The following SFMBT2 variants were observed in gnomAD, a reference collection of about 807,000 sequenced individuals.
SFMBT2 encodes scm-like with four MBT domains protein 2.
Under a neutral mutation model 110.1 loss-of-function variants are expected in SFMBT2, and 38 were observed. The ratio of observed to expected loss-of-function variants is 0.35; its 90% CI spans 0.27 to 0.45. The LOEUF (loss-of-function observed/expected upper bound fraction) is 0.45. Ranked by LOEUF, SFMBT2 falls within the 20% of genes least tolerant of loss-of-function variation. The pLI is 1.00. For missense variants in SFMBT2, 1,011 were observed against 1,094.9 expected, an observed-to-expected ratio of 0.92 and a Z score of 1.08; for synonymous variants, 425 against 425.4, an observed-to-expected ratio of 1.00 and a Z score of 0.01.
At chr10:7,191,537 C>T (rs1392868683) in intron 15 of SFMBT2, among the ~76,000 whole-genome samples, 1 of 152,236 alleles carries the variant, frequency 6.6e-6, no homozygotes, top group Admixed American at 6.5e-5. Context: ...CATCCCTCCC[C>T]ATCCGGGTCT....
intron 4 of SFMBT2, among the ~76,000 whole-genome samples, chr10:7,316,001 T>C (rs923286014): frequency 1.3e-5 from 2 of 152,184 alleles, no homozygotes; most frequent in Non-Finnish European, 2.9e-5. Flanking sequence ...TCAGGAACAC[T>C]AGAATTTCTG....
intron 4 of SFMBT2, among the ~76,000 whole-genome samples, chr10:7,363,354 CTT>C (rs869081978): frequency 4.1e-5 from 6 of 145,144 alleles, no homozygotes; most frequent in Admixed American, 6.9e-5. Flanking sequence ...TAAACCTCCT[CTT>C]TTTTTTTTTT....
intron 1 of SFMBT2, among the ~76,000 whole-genome samples, chr10:7,382,500 G>A (rs1170470414): frequency 2.6e-5 from 4 of 152,084 alleles, no homozygotes; most frequent in South Asian, 2.1e-4. Flanking sequence ...AAAACCATCC[G>A]TGTTCTAGAG....
In SFMBT2 at chr10:7,162,265, ATTCT is replaced by A. The variant is rs1367932374; in HGVS notation, c.*1501_*1504del. Reference sequence around the variant, plus strand: ...TCAGAACTGGGACCAGACCCTTCTTATTCTTTCTTTTTCTAATTTTTGTACGATC... The same window carrying A: ...TCAGAACTGGGACCAGACCCTTCTTATTCTTTTTCTAATTTTTGTACGATC... On this transcript the variant is annotated 3_prime_UTR_variant, in exon 21 of 21. Coordinates refer to ENST00000397167, the MANE Select transcript of SFMBT2 (RefSeq NM_001387889.1). 5 of 151,144 alleles carry A rather than the reference ATTCT, an allele frequency of 3.3e-5. 1 individual carries two copies. Among genetic ancestry groups the A allele is most frequent in the African/African-American group, 9.9e-5 (4 of 40,450 alleles). 9.4% of individuals were successfully genotyped at this position (151,144 alleles called of 1,614,324 possible).
chr10:7,218,162 C>T (rs1231545102), intron 11 of SFMBT2, among the ~76,000 whole-genome samples: 1 of 152,060 alleles, frequency 6.6e-6, no homozygotes, highest in Non-Finnish European at 1.5e-5. Flanking sequence ...TTTAAAGTGT[C>T]AAATAAATGG....
chr10:7,244,369 CT>C (rs1330483281), intron 8 of SFMBT2, among the ~76,000 whole-genome samples: 1 of 152,226 alleles, frequency 6.6e-6, no homozygotes, highest in Non-Finnish European at 1.5e-5. Flanking sequence ...ACTTCAACTT[CT>C]GTATTGAAAA....
At chr10:7,248,705 C>T in intron 7 of SFMBT2, 56 bp from the exon 8 acceptor site, 1 of 1,524,558 alleles carries the variant, frequency 6.6e-7, no homozygotes, top group Non-Finnish European at 9.1e-7. Flanking sequence ...TGACCTCAGC[C>T]ACTGTCCGGA....
intron 11 of SFMBT2, chr10:7,215,722 A>G (rs1839514510): frequency 2.1e-5 from 21 of 985,300 alleles, no homozygotes; most frequent in Non-Finnish European, 2.5e-5. Flanking sequence ...ATTTAAGCCC[A>G]CTGACTCAAC....
chr10:7,320,022 C>T (rs1225955990), intron 4 of SFMBT2, among the ~76,000 whole-genome samples: 2 of 145,122 alleles, frequency 1.4e-5, no homozygotes, highest in Admixed American at 1.4e-4. Context: ...AGGAGAGAGA[C>T]AGAAAGAGAA....
At chr10:7,402,879 G>T (rs1846116385) in intron 1 of SFMBT2, among the ~76,000 whole-genome samples, 1 of 152,146 alleles carries the variant, frequency 6.6e-6, no homozygotes. Context: ...CTGTTTAGAA[G>T]GAAAAATTCT....
intron 2 of SFMBT2, among the ~76,000 whole-genome samples, chr10:7,371,657 C>T (rs1287650045): frequency 6.6e-6 from 1 of 152,132 alleles, no homozygotes; most frequent in Non-Finnish European, 1.5e-5. Flanking sequence ...TAAGAACATA[C>T]AACAGAAAGA....
chr10:7,274,136 G>A (rs1156808578), intron 7 of SFMBT2, among the ~76,000 whole-genome samples: 1 of 152,176 alleles, frequency 6.6e-6, no homozygotes, highest in Non-Finnish European at 1.5e-5. Flanking sequence ...CTCCAGTACT[G>A]AGAGTTCATG....
intron 10 of SFMBT2, among the ~76,000 whole-genome samples, chr10:7,221,189 G>T (rs1839722960): frequency 6.6e-6 from 1 of 152,072 alleles, no homozygotes; most frequent in African/African-American, 2.4e-5. Context: ...TATACCCATT[G>T]ATAACAGTTC....
At chr10:7,397,798 G>A (rs536642418) in intron 1 of SFMBT2, among the ~76,000 whole-genome samples, 2 of 152,210 alleles carry the variant, frequency 1.3e-5, no homozygotes, top group South Asian at 2.1e-4. Flanking sequence ...TTATCAACGC[G>A]AGCTTTCTTC....
At chr10:7,340,665 A>AAG (rs1287708737) in intron 4 of SFMBT2, among the ~76,000 whole-genome samples, 1 of 151,584 alleles carries the variant, frequency 6.6e-6, no homozygotes, top group African/African-American at 2.4e-5. Context: ...CAAAAAAAAA[A>AAG]AAAAAAAAAA....
At chr10:7,265,993 T>C (rs1841376510) in intron 7 of SFMBT2, among the ~76,000 whole-genome samples, 1 of 152,122 alleles carries the variant, frequency 6.6e-6, no homozygotes, top group Non-Finnish European at 1.5e-5. Flanking sequence ...AAGTGCTATA[T>C]AATAGTCGGG....
At chr10:7,343,835 G>T (rs1216737137) in intron 4 of SFMBT2, among the ~76,000 whole-genome samples, 1 of 152,160 alleles carries the variant, frequency 6.6e-6, no homozygotes, top group Admixed American at 6.5e-5. Context: ...GTTTGAGGGG[G>T]CAGAAAATGT....
chr10:7,249,150 G>C, intron 7 of SFMBT2: 1 of 740,266 alleles, frequency 1.4e-6, no homozygotes, highest in Admixed American at 6.2e-5. Flanking sequence ...ACGAGTAAGG[G>C]TAGGGGTACT....
intron 7 of SFMBT2, among the ~76,000 whole-genome samples, chr10:7,257,855 A>C (rs535658914): frequency 6.6e-6 from 1 of 152,368 alleles, no homozygotes; most frequent in Admixed American, 6.5e-5. Context: ...CTCATTAATT[A>C]ATACAACAAA....
Sources: gnomAD v4.1 joint callset for allele counts (sites outside exome capture counted in the v4.1 genomes callset) on GRCh38, gnomAD v4.1.1 for gene constraint, MANE v1.5 for transcripts, NCBI Gene and HGNC (gene_info 2026-07-23, HGNC 2026-07-21) for gene names.